DIP2B: variants seen among roughly 807,000 people sequenced by gnomAD.
DIP2B encodes the protein disco-interacting protein 2 homolog B.
In DIP2B, 76 loss-of-function variants were observed where a neutral mutation model predicts 198.0. That is an observed-to-expected ratio of 0.38 (90% CI 0.32 to 0.46). DIP2B has a LOEUF of 0.46. DIP2B is among the 20% of genes least tolerant of loss of function. The probability of loss-of-function intolerance (pLI) is 0.99; values close to 1 mark genes in which losing one functional copy is unlikely to be tolerated. For synonymous variants in DIP2B, 701 were observed against 739.1 expected (o/e 0.95, Z 0.84); for missense variants, 1,559 against 1,978.4 (o/e 0.79, Z 4.02).
chr12:50,649,048 A>T (rs2139497631), intron 3 of DIP2B, among the ~76,000 whole-genome samples: 1 of 152,334 alleles, frequency 6.6e-6, no homozygotes, highest in South Asian at 2.1e-4. Context: ...AATAAACTTA[A>T]GAAATGTCTA....
intron 8 of DIP2B, chr12:50,680,011 C>T (rs904542255): frequency 2.6e-5 from 4 of 152,066 alleles, no homozygotes; most frequent in Non-Finnish European, 4.4e-5. Context: ...GTAATCCCAA[C>T]ACTTTGGGAG....
intron 1 of DIP2B, among the ~76,000 whole-genome samples, chr12:50,606,766 G>A (rs1353741251): frequency 6.6e-6 from 1 of 151,356 alleles, no homozygotes; most frequent in Non-Finnish European, 1.5e-5. Flanking sequence ...GAGTAGCTGG[G>A]ACTACAGGCT....
chr12:50,747,738 A>T lies in DIP2B; in HGVS notation c.*2899A>T, dbSNP rs1347822013. On this transcript the variant is annotated 3_prime_UTR_variant, in exon 38 of 38. Transcript: ENST00000301180. The stretch of plus-strand genomic sequence containing the variant: ...TGGGTTTTTAATGTCTGTGGAAAAA[A>T]ACTAAACAAGTCTCTGTCTCAGTTA... 2 of 152,228 alleles carry T rather than the reference A, an allele frequency of 1.3e-5. No individual in the cohort carries two copies. The highest frequency in any genetic ancestry group is 2.4e-5 in the African/African-American group (1 of 41,464). 9.4% of individuals were successfully genotyped at this position (152,228 alleles called of 1,614,324 possible). A position where few individuals can be genotyped will look rare whatever the true frequency, so the allele number is the denominator to read the frequency against.
rs186085909 is a variant in DIP2B, at chr12:50,604,076, C to T, written c.101-21900C>T. On this transcript the variant is annotated intron_variant, in intron 1 of 37. Transcript: ENST00000301180. ...CAAGCTTCTGATGGATTGTACGCTC[C>T]TAGATAGTGATAGTGCATTCAACAC... 1.2e-3 allele frequency among the ~76,000 whole-genome samples: 184 copies of T among 152,044 alleles called. 2 individuals carry two copies. Among genetic ancestry groups the T allele is most frequent in the African/African-American group, 4.2e-3 (173 of 41,508 alleles).
Position 50,735,543 on chromosome 12 carries a change from C to T in DIP2B, c.4101+413C>T, listed in dbSNP as rs554273501. Among the ~76,000 whole-genome samples the T allele has an allele frequency of 2.0e-4, 30 of 152,066 alleles. No individual in the cohort carries two copies. The East Asian group carries it at 5.8e-3, about 29-fold the overall frequency. On this transcript the variant is annotated intron_variant, in intron 34 of 37. Coordinates refer to ENST00000301180, the MANE Select transcript of DIP2B (RefSeq NM_173602.3). ...AGTGCAGTGGCGCGATCTCGGCTCA[C>T]TGCAACCTCTGCCTCCCAGATTCAA...
At chr12:50,679,235 T>C (rs559984104) in intron 8 of DIP2B, 16 of 201,234 alleles carry the variant, frequency 8.0e-5, no homozygotes, top group Middle Eastern at 2.2e-3. Flanking sequence ...CTTTATTCCA[T>C]CCTGCTTCTT....
At chr12:50,555,109 CT>C (rs1433234329) in intron 1 of DIP2B, among the ~76,000 whole-genome samples, 1 of 152,110 alleles carries the variant, frequency 6.6e-6, no homozygotes, top group Non-Finnish European at 1.5e-5. Context: ...ATATAATATT[CT>C]TGCCCTCAAC....
rs185478950 is a variant in DIP2B, at chr12:50,727,202, A to G, written c.3401-501A>G. Among the ~76,000 whole-genome samples, 7 of 152,336 alleles carry G rather than the reference A, an allele frequency of 4.6e-5. 1 individual carries two copies. The highest frequency in any genetic ancestry group is 4.6e-4 in the Admixed American group (7 of 15,302). ...TACATGATTAATATAACACATACTA[A>G]AGTGTAAATAATGAACTTTAACTTG... On this transcript the variant is annotated intron_variant, in intron 28 of 37. Transcript: ENST00000301180.
At position 50,678,668 on chromosome 12, in the gene DIP2B, T is replaced by G. The variant is rs367985514; in HGVS notation, c.917-11T>G. On this transcript the variant is annotated splice_polypyrimidine_tract_variant and intron_variant, in intron 7 of 37. Coordinates refer to ENST00000301180, the MANE Select transcript of DIP2B (RefSeq NM_173602.3). ...GTACTCATTTCACTCATTGGGATTT[T>G]CCTGGTACAGTACCTCAGCCAGACC... is the stretch of plus-strand genomic sequence containing the variant. The G allele has an allele frequency of 1.8e-5, 29 of 1,611,290 alleles. No homozygotes were observed. The African/African-American group carries it at 3.2e-4, about 18-fold the overall frequency.
intron 2 of DIP2B, among the ~76,000 whole-genome samples, chr12:50,626,449 G>T (rs1225263596): frequency 6.6e-6 from 1 of 152,188 alleles, no homozygotes; most frequent in Non-Finnish European, 1.5e-5. Flanking sequence ...GGATTGGGGG[G>T]TAAAACCCTA....
At chr12:50,625,460 G>T (rs1241659070) in intron 1 of DIP2B, among the ~76,000 whole-genome samples, 1 of 152,208 alleles carries the variant, frequency 6.6e-6, no homozygotes, top group Non-Finnish European at 1.5e-5. Context: ...GGGAGGGGAT[G>T]TGGGAATTCC....
In DIP2B at chr12:50,625,287, T is replaced by G. The variant is rs537935967; in HGVS notation, c.101-689T>G. Among the ~76,000 whole-genome samples the G allele has an allele frequency of 1.7e-4, 26 of 152,338 alleles. No homozygotes were observed. The East Asian group carries it at 5.0e-3, about 29-fold the overall frequency. On this transcript the variant is annotated intron_variant, in intron 1 of 37. Transcript: ENST00000301180. ...CTATTTCCGTTTCCTTAGTACCTAG[T>G]CCATTTCTTGCCACTTCAACTACAG...
intron 1 of DIP2B, among the ~76,000 whole-genome samples, chr12:50,617,437 G>C (rs1188921049): frequency 6.6e-6 from 1 of 151,862 alleles, no homozygotes; most frequent in African/African-American, 2.4e-5. Context: ...TTACAGGCGT[G>C]AGCCACCGCA....
chr12:50,726,255 CTTTGA>C (rs1939931393), intron 28 of DIP2B, among the ~76,000 whole-genome samples: 1 of 152,224 alleles, frequency 6.6e-6, no homozygotes, highest in Admixed American at 6.5e-5. Flanking sequence ...CAGAGGAAAT[CTTTGA>C]CATCCCTGGT....
chr12:50,664,180 G>A (rs1938705867), intron 4 of DIP2B, among the ~76,000 whole-genome samples: 1 of 152,194 alleles, frequency 6.6e-6, no homozygotes, highest in South Asian at 2.1e-4. Flanking sequence ...CTCTTTTTGA[G>A]GGATTTAATA....
At chr12:50,611,575 T>C (rs1451328285) in intron 1 of DIP2B, among the ~76,000 whole-genome samples, 1 of 152,186 alleles carries the variant, frequency 6.6e-6, no homozygotes, top group Non-Finnish European at 1.5e-5. Flanking sequence ...ACTGTCTTTG[T>C]TGACTGTGTG....
At chr12:50,655,155 A>G (rs957506976) in intron 3 of DIP2B, 1 of 361,120 alleles carries the variant, frequency 2.8e-6, no homozygotes, top group African/African-American at 2.1e-5. Flanking sequence ...AGTTGAATAA[A>G]CTGTGTACAG....
At chr12:50,541,690 A>G (rs777189636) in intron 1 of DIP2B, among the ~76,000 whole-genome samples, 1 of 152,198 alleles carries the variant, frequency 6.6e-6, no homozygotes, top group Non-Finnish European at 1.5e-5. Context: ...CACACACACT[A>G]TTAAGACAAA....
intron 1 of DIP2B, among the ~76,000 whole-genome samples, chr12:50,622,106 G>A (rs1294389877): frequency 6.6e-6 from 1 of 152,188 alleles, no homozygotes; most frequent in Non-Finnish European, 1.5e-5. Context: ...TGGCCTTTGT[G>A]CCAGGGTAGG....
Sources: allele counts gnomAD v4.1 joint callset (sites outside exome capture counted in the v4.1 genomes callset), GRCh38; gene constraint gnomAD v4.1.1; transcripts MANE v1.5; gene names NCBI Gene and HGNC (gene_info 2026-07-23, HGNC 2026-07-21).